The following NRG1 variants were observed in gnomAD, a reference collection of about 807,000 sequenced individuals.
NRG1 encodes the protein neuregulin 1, also known as pro-neuregulin-1, membrane-bound isoform.
NRG1 carries 18 observed loss-of-function variants against 63.8 expected under a neutral mutation model. The observed-to-expected ratio is 0.28, with a 90% CI of 0.19 to 0.42. The LOEUF (loss-of-function observed/expected upper bound fraction) is 0.42. Among genes scored for constraint, NRG1 ranks in the 10% least tolerant of loss-of-function variants. The pLI is 1.00. For missense variants in NRG1, 762 were observed against 814.7 expected (o/e 0.94, Z 0.79); for synonymous variants, 302 against 301.3 (o/e 1.00, Z -0.02).
chr8:32,228,132 C>T (rs1231701530), intron 1 of NRG1, among the ~76,000 whole-genome samples: 1 of 152,090 alleles, frequency 6.6e-6, no homozygotes, highest in Non-Finnish European at 1.5e-5. Flanking sequence ...TTATGATTGG[C>T]AGTATTTATA....
At chr8:31,744,697 T>C (rs1312913398) in intron 1 of NRG1, among the ~76,000 whole-genome samples, 1 of 152,032 alleles carries the variant, frequency 6.6e-6, no homozygotes, top group Non-Finnish European at 1.5e-5. Flanking sequence ...CTCTGTATGG[T>C]ACTGCTTTAA....
chr8:32,064,260 A>G lies in NRG1; in HGVS notation c.37+424829A>G, dbSNP rs80181437. On this transcript the variant is annotated intron_variant, in intron 1 of 10. Coordinates refer to the NRG1 transcript ENST00000519301. The stretch of plus-strand genomic sequence containing the variant: ...TGCTGAGGCAACATTAAATTATAAG[A>G]ATTATAAGGTCAAGATGGGATGGAG... Among the ~76,000 whole-genome samples the G allele has an allele frequency of 2.9e-3, 444 of 152,216 alleles. 6 individuals carry two copies. The highest frequency in any genetic ancestry group is 0.01 in the African/African-American group (428 of 41,534).
intron 1 of NRG1, among the ~76,000 whole-genome samples, chr8:31,893,434 G>A (rs1397347100): frequency 6.6e-6 from 1 of 151,312 alleles, no homozygotes; most frequent in Non-Finnish European, 1.5e-5. Flanking sequence ...AAAATGTAAA[G>A]AGAAACATTA....
At chr8:31,732,494 T>A (rs867404105) in intron 1 of NRG1, among the ~76,000 whole-genome samples, 37 of 152,240 alleles carry the variant, frequency 2.4e-4, no homozygotes, top group Middle Eastern at 3.4e-3. Flanking sequence ...GTTATTTTTT[T>A]AAAAAAATTA....
intron 1 of NRG1, among the ~76,000 whole-genome samples, chr8:31,689,953 G>T (rs1464419756): frequency 1.3e-5 from 2 of 152,192 alleles, no homozygotes; most frequent in Non-Finnish European, 2.9e-5. Flanking sequence ...TGGTTTGGGT[G>T]TGTCCCCATC....
At chr8:32,404,023 C>G (rs1407733859) in intron 1 of NRG1, among the ~76,000 whole-genome samples, 2 of 152,164 alleles carry the variant, frequency 1.3e-5, no homozygotes, top group Non-Finnish European at 1.5e-5. Flanking sequence ...GCACCTTACA[C>G]TTTTCATTTA....
At chr8:31,849,247 T>G (rs1383293573) in intron 1 of NRG1, among the ~76,000 whole-genome samples, 1 of 152,194 alleles carries the variant, frequency 6.6e-6, no homozygotes, top group Admixed American at 6.5e-5. Context: ...ACCTAGCTAG[T>G]AAATGGCTCA....
chr8:32,767,745 CCTTTT>C (rs1389825646), exon 12 of NRG1: 10 of 151,268 alleles, frequency 6.6e-5, no homozygotes, highest in East Asian at 1.9e-4. Context: ...TGTATCTTTT[CCTTTT>C]CTTTTTTTTA....
At chr8:32,564,033 A>T (rs1327367903) in intron 1 of NRG1, among the ~76,000 whole-genome samples, 1 of 152,170 alleles carries the variant, frequency 6.6e-6, no homozygotes, top group African/African-American at 2.4e-5. Flanking sequence ...AGTGAAGTGG[A>T]TTAAGCTGCT....
chr8:32,235,719 G>A (rs1001501732), intron 1 of NRG1, among the ~76,000 whole-genome samples: 36 of 152,048 alleles, frequency 2.4e-4, no homozygotes, highest in African/African-American at 8.0e-4. Context: ...CTCAGATTTC[G>A]GTGCAGTGGT....
At chr8:32,448,810 T>C (rs942552313) in intron 1 of NRG1, among the ~76,000 whole-genome samples, 2 of 152,186 alleles carry the variant, frequency 1.3e-5, no homozygotes, top group African/African-American at 4.8e-5. Flanking sequence ...AAAATGTTTC[T>C]TCAAAGTGCT....
chr8:32,581,417 T>A (rs889778107), intron 1 of NRG1, among the ~76,000 whole-genome samples: 1 of 152,224 alleles, frequency 6.6e-6, no homozygotes, highest in Non-Finnish European at 1.5e-5. Context: ...TCCTGTGCAT[T>A]AAACTAGTAG....
At chr8:32,350,806 A>G (rs1586978720) in intron 1 of NRG1, among the ~76,000 whole-genome samples, 1 of 152,296 alleles carries the variant, frequency 6.6e-6, no homozygotes, top group Middle Eastern at 3.4e-3. Flanking sequence ...TCCAAAATCA[A>G]GGGCCTCCTT....
intron 1 of NRG1, among the ~76,000 whole-genome samples, chr8:32,190,060 T>C (rs1005029085): frequency 6.6e-6 from 1 of 152,124 alleles, no homozygotes; most frequent in African/African-American, 2.4e-5. Flanking sequence ...AGTAATTTAT[T>C]TGAATAAACA....
intron 1 of NRG1, among the ~76,000 whole-genome samples, chr8:31,921,350 T>A (rs1680166): frequency 0.071 from 10,848 of 152,178 alleles, 1,257 homozygotes; most frequent in African/African-American, 0.24. Context: ...TTGGAGCCAG[T>A]TCATGAAGCG....
At position 32,306,117 on chromosome 8, in the gene NRG1, G is replaced by T. The variant is rs1856160172; in HGVS notation, c.38-289711G>T. Among the ~76,000 whole-genome samples the T allele has an allele frequency of 2.0e-5, 3 of 152,158 alleles. No individual in the cohort carries two copies. In the South Asian group the frequency reaches 6.2e-4, roughly 32 times the overall value. On this transcript the variant is annotated intron_variant, in intron 1 of 10. Transcript: ENST00000519301. ...CTCCCCTCAGCAAGTTTAAAAACAG[G>T]AAGTTTCCATTTCACCATTTACTTT...
intron 1 of NRG1, among the ~76,000 whole-genome samples, chr8:32,230,805 G>A (rs1021134393): frequency 7.3e-6 from 1 of 136,182 alleles, no homozygotes; most frequent in African/African-American, 2.7e-5. Flanking sequence ...TACATACAAT[G>A]TATAATAATC....
At chr8:31,914,403 G>C (rs1833205158) in intron 1 of NRG1, among the ~76,000 whole-genome samples, 1 of 139,164 alleles carries the variant, frequency 7.2e-6, no homozygotes. Context: ...TTCCTGGCCA[G>C]TTTTTGGTTT....
At chr8:32,179,045 C>G (rs1024062075) in intron 1 of NRG1, among the ~76,000 whole-genome samples, 6 of 151,794 alleles carry the variant, frequency 4.0e-5, no homozygotes, top group Admixed American at 3.9e-4. Context: ...TTTCATAGCT[C>G]GGCTATGATT....
Sources: allele counts gnomAD v4.1 joint callset (sites outside exome capture counted in the v4.1 genomes callset), GRCh38; gene constraint gnomAD v4.1.1; transcripts MANE v1.5; gene names NCBI Gene and HGNC (gene_info 2026-07-23, HGNC 2026-07-21).